The following DBNL variants were observed in gnomAD, a reference collection of about 807,000 sequenced individuals.
The protein encoded by DBNL is drebrin like.
DBNL carries 35 observed loss-of-function variants against 62.2 expected under a neutral mutation model. The observed-to-expected ratio is 0.56, with a 90% CI of 0.43 to 0.75. The LOEUF (loss-of-function observed/expected upper bound fraction) is 0.75. Among genes scored for constraint, DBNL ranks in the 30% least tolerant of loss-of-function variants. DBNL has a pLI of 0.00. For missense variants in DBNL, 495 were observed against 578.4 expected, an observed-to-expected ratio of 0.86 and a Z score of 1.48; for synonymous variants, 197 against 218.0, an observed-to-expected ratio of 0.90 and a Z score of 0.85.
rs549135567 is a variant in DBNL at position 44,066,953 on chromosome 7, C to G, written c.*6037C>G. ...ACTAAACATGACTGAGGACCAGGCT[C>G]TGGCAGTCCCACAGGGGCCAGACAT... On this transcript the variant is annotated 3_prime_UTR_variant, in exon 13 of 13. Transcript: ENST00000448521. The G allele has an allele frequency of 1.0e-4, 16 of 152,494 alleles. No individual in the cohort carries two copies. The highest frequency in any genetic ancestry group is 6.7e-3 in the Middle Eastern group (2 of 298). 9.4% of individuals were successfully genotyped at this position (152,494 alleles called of 1,614,324 possible).
chr7:44,047,240 G>A (rs1360503723), intron 1 of DBNL, among the ~76,000 whole-genome samples: 2 of 152,078 alleles, frequency 1.3e-5, no homozygotes, highest in African/African-American at 4.8e-5. Flanking sequence ...CTCTGTCCTC[G>A]GTGCTTGAGG....
At position 44,057,826 on chromosome 7, in the gene DBNL, G is replaced by C. The variant is rs2096139265; in HGVS notation, c.519G>C (p.Arg173Ser). The C allele has an allele frequency of 9.3e-6, 15 of 1,614,088 alleles. No homozygotes were observed. The highest frequency in any genetic ancestry group is 1.2e-5 in the Non-Finnish European group (14 of 1,180,042). ...QKTNAVSEIK[R>S]VGKDSFWAKA... ...CCAATGCCGTGTCTGAGATTAAAAG[G>C]GTTGGTAAAGACAGCTTCTGGGCCA... Residue 173 changes from arginine (R) to serine (S), a missense_variant, in exon 6 of 13, where the codon AGG becomes AGC. Arg to Ser is a moderately radical substitution (Grantham distance 110, BLOSUM62 -1). Coordinates refer to ENST00000448521, the MANE Select transcript of DBNL (RefSeq NM_001014436.3).
Position 44,059,018 on chromosome 7 carries a change from C to T in DBNL, c.835+35C>T. On this transcript the variant is annotated intron_variant, in intron 9 of 12. Transcript: ENST00000448521. The surrounding 1 kb of genome is among the most constrained non-coding windows in gnomAD (Gnocchi z 4.1). The stretch of plus-strand genomic sequence containing the variant: ...CCCTTTGGGCCTGGCCATGAGGCAG[C>T]AGCAGGCTGAGGGGGAGCCTGGGGT... 3 of 1,610,068 alleles carry T rather than the reference C, an allele frequency of 1.9e-6. No individual in the cohort carries two copies. The highest frequency in any genetic ancestry group is 2.5e-6 in the Non-Finnish European group (3 of 1,176,960).
In DBNL at chr7:44,062,695, C is replaced by CCTGGCAT. The variant is rs1179984619; in HGVS notation, c.*1780_*1786dup. On this transcript the variant is annotated 3_prime_UTR_variant, in exon 13 of 13. Transcript: ENST00000448521. ...TCCCCACAGCTGATGGCGGTGTGAG[C>CCTGGCAT]CTGGCATGCACGGCTGCGCTGGACT... 1.9e-5 allele frequency: 30 copies of CCTGGCAT among 1,541,900 alleles called. No homozygotes were observed. In the African/African-American group the frequency reaches 3.0e-4, roughly 15 times the overall value.
chr7:44,045,949 G>A (rs2096116549), intron 1 of DBNL, among the ~76,000 whole-genome samples: 1 of 152,174 alleles, frequency 6.6e-6, no homozygotes, highest in African/African-American at 2.4e-5. Context: ...TGTTTTGGAG[G>A]CATCTAAAGA....
At chr7:44,052,114 A>G (rs1159778673) in intron 3 of DBNL, among the ~76,000 whole-genome samples, 172 bp downstream of exon 3, 1 of 152,224 alleles carries the variant, frequency 6.6e-6, no homozygotes, top group Non-Finnish European at 1.5e-5. Context: ...TGTGGCCCAA[A>G]GAATAACTGT....
chr7:44,059,626 G>A lies in DBNL; in HGVS notation c.1015G>A (p.Glu339Lys). Residue 339 changes from glutamate (E) to lysine (K), a missense_variant, in exon 11 of 13, where the codon GAG (glutamate) becomes AAG (lysine). Glu to Lys is a moderately conservative substitution (Grantham distance 56). Coordinates refer to ENST00000448521, the MANE Select transcript of DBNL (RefSeq NM_001014436.3). The surrounding 1 kb of genome is among the most constrained non-coding windows in gnomAD (Gnocchi z 4.1). ...EEEAVYEEPPEQETFYEQPPL... is the reference protein window; with the variant it reads ...EEEAVYEEPPKQETFYEQPPL... ...GGAGGCTGTGTATGAGGAACCTCCA[G>A]AGCAGGAGACCTTCTACGAGCAGCC... The A allele has an allele frequency of 6.2e-7, 1 of 1,609,280 alleles. No individual in the cohort carries two copies. The highest frequency in any genetic ancestry group is 8.5e-7 in the Non-Finnish European group (1 of 1,179,826).
intron 5 of DBNL, among the ~76,000 whole-genome samples, chr7:44,057,427 T>C (rs2096138481): frequency 6.6e-6 from 1 of 152,174 alleles, no homozygotes; most frequent in South Asian, 2.1e-4. Context: ...GCTGTCTGAG[T>C]GCCCCTGGTC....
rs2096151159 is a variant in DBNL at position 44,062,576 on chromosome 7, G to A, written c.*1660G>A. The A allele has an allele frequency of 3.2e-6, 2 of 631,682 alleles. No homozygotes were observed. The highest frequency in any genetic ancestry group is 5.6e-6 in the Non-Finnish European group (2 of 354,794). 39.1% of individuals were successfully genotyped at this position (631,682 alleles called of 1,614,324 possible). A position where few individuals can be genotyped will look rare whatever the true frequency, so the allele number is the denominator to read the frequency against. ...GGAGTGGTTGCAGCCCTGGCTCAGT[G>A]TCCTGATGACTAGGTGTGGGTACTA... On this transcript the variant is annotated 3_prime_UTR_variant, in exon 13 of 13. Transcript: ENST00000448521.
At chr7:44,049,964 C>A in intron 1 of DBNL, 1 of 444,638 alleles carries the variant, frequency 2.2e-6, no homozygotes, top group South Asian at 2.3e-5. Flanking sequence ...GCTCCCATCT[C>A]CATGGCTTTG....
intron 5 of DBNL, 88 bp from the exon 6 acceptor site, chr7:44,057,694 C>A: frequency 6.8e-7 from 1 of 1,474,482 alleles, no homozygotes; most frequent in Non-Finnish European, 9.4e-7. Context: ...CCTGTGCTGT[C>A]GCAAGTTTAG....
chr7:44,054,701 C>G (rs1379093230), intron 4 of DBNL, among the ~76,000 whole-genome samples: 2 of 152,052 alleles, frequency 1.3e-5, no homozygotes, highest in Non-Finnish European at 2.9e-5. Flanking sequence ...ACTATAATTT[C>G]CCTTCTGTAC....
At chr7:44,052,186 G>A (rs2096127661) in intron 3 of DBNL, among the ~76,000 whole-genome samples, 1 of 152,108 alleles carries the variant, frequency 6.6e-6, no homozygotes, top group African/African-American at 2.4e-5. Flanking sequence ...TGGATTAAAA[G>A]CAGTCACAGG....
rs571372580 is a variant in DBNL, at chr7:44,062,974, C to T, written c.*2058C>T. On this transcript the variant is annotated 3_prime_UTR_variant, in exon 13 of 13. Coordinates refer to ENST00000448521, the MANE Select transcript of DBNL (RefSeq NM_001014436.3). ...GTGTCCTTAGCCCCTCTGTCCCCAG[C>T]CTGTTTACACAGCAGACACTATGTG... 6.9e-5 allele frequency: 110 copies of T among 1,598,290 alleles called. No individual in the cohort carries two copies. The South Asian group carries it at 1.1e-3, about 16-fold the overall frequency.
At position 44,060,874 on chromosome 7, in the gene DBNL, T is replaced by C; in HGVS notation, c.1251T>C (p.His417=). The change falls in exon 13 of 13, where the codon CAT becomes CAC. Residue 417 remains histidine, a synonymous_variant. Transcript: ENST00000448521. The surrounding 1 kb of genome is among the most constrained non-coding windows in gnomAD (Gnocchi z 6.3). ...GGCGTGGCTATGGGCCGGATGGCCA[T>C]TTTGGCATGTTCCCTGCCAACTACG... ...GWWRGYGPDG[H]FGMFPANYVE... is the part of the protein sequence containing the mutation. The C allele has an allele frequency of 6.2e-7, 1 of 1,614,062 alleles. No homozygotes were observed. The highest frequency in any genetic ancestry group is 8.5e-7 in the Non-Finnish European group (1 of 1,179,990).
In DBNL at chr7:44,057,828, T is replaced by C. The variant is rs776930553; in HGVS notation, c.521T>C (p.Val174Ala). 5.0e-6 allele frequency: 8 copies of C among 1,614,012 alleles called. No individual in the cohort carries two copies. The highest frequency in any genetic ancestry group is 6.8e-6 in the Non-Finnish European group (8 of 1,179,988). ...AATGCCGTGTCTGAGATTAAAAGGG[T>C]TGGTAAAGACAGCTTCTGGGCCAAA... ...KTNAVSEIKR[V>A]GKDSFWAKAE... Residue 174 changes from valine (V) to alanine (A), a missense_variant, in exon 6 of 13, where the codon GTT becomes GCT. By Grantham distance (64) the Val-to-Ala change is moderately conservative. Coordinates refer to ENST00000448521, the MANE Select transcript of DBNL (RefSeq NM_001014436.3).
rs763329342 is a variant in DBNL, at chr7:44,058,999, G to C, written c.835+16G>C. Reference sequence around the variant, plus strand: ...CCTCAGCCTGGTGAGCTCTCCCTTTGGGCCTGGCCATGAGGCAGCAGCAGG... The same window carrying C: ...CCTCAGCCTGGTGAGCTCTCCCTTTCGGCCTGGCCATGAGGCAGCAGCAGG... On this transcript the variant is annotated intron_variant, in intron 9 of 12. Transcript: ENST00000448521. 1 of 1,613,614 alleles carries C rather than the reference G, an allele frequency of 6.2e-7. No homozygotes were observed. The highest frequency in any genetic ancestry group is 8.5e-7 in the Non-Finnish European group (1 of 1,179,800).
At position 44,065,554 on chromosome 7, in the gene DBNL, C is replaced by T; in HGVS notation, c.*4638C>T. 6.2e-7 allele frequency: 1 copy of T among 1,611,284 alleles called. No individual in the cohort carries two copies. The highest frequency in any genetic ancestry group is 8.5e-7 in the Non-Finnish European group (1 of 1,178,178). The stretch of plus-strand genomic sequence containing the variant: ...TGGTGGCAGCAGGGACCACAGAGGA[C>T]TCTGGACGGGGACGGCTGCTTCCCA... On this transcript the variant is annotated 3_prime_UTR_variant, in exon 13 of 13. Transcript: ENST00000448521.
Position 44,062,769 on chromosome 7 carries a change from T to C in DBNL, c.*1853T>C. ...TTATTGCCCAAGCCCACCCCTCACTTGGCCTTGCCCTGGGCAGCCACAGCC... is the reference window on the plus strand; with the variant it reads ...TTATTGCCCAAGCCCACCCCTCACTCGGCCTTGCCCTGGGCAGCCACAGCC... On this transcript the variant is annotated 3_prime_UTR_variant, in exon 13 of 13. Transcript: ENST00000448521. 6.2e-7 allele frequency: 1 copy of C among 1,614,192 alleles called. No homozygotes were observed.
Sources: allele counts gnomAD v4.1 joint callset (sites outside exome capture counted in the v4.1 genomes callset), GRCh38; gene constraint gnomAD v4.1.1; non-coding constraint Gnocchi (gnomAD v3.1); transcripts MANE v1.5; gene names NCBI Gene and HGNC (gene_info 2026-07-23, HGNC 2026-07-21).